Variants in ZNF385D observed in about 807,000 individuals in gnomAD.
ZNF385D encodes the protein zinc finger protein 385D.
Under a neutral mutation model 35.8 loss-of-function variants are expected in ZNF385D, and 15 were observed. The ratio of observed to expected loss-of-function variants is 0.42; its 90% confidence interval spans 0.28 to 0.64. The LOEUF (loss-of-function observed/expected upper bound fraction) is 0.64, where lower values mean the gene tolerates loss of function less well. Among genes scored for constraint, ZNF385D ranks in the 30% least tolerant of loss-of-function variants. The pLI is 0.23. For missense variants in ZNF385D, 474 were observed against 494.6 expected, an observed-to-expected ratio of 0.96 and a Z score of 0.39; for synonymous variants, 212 against 186.8, an observed-to-expected ratio of 1.13 and a Z score of -1.10.
intron 2 of ZNF385D, among the ~76,000 whole-genome samples, chr3:21,659,134 T>C (rs964003806): frequency 2.0e-5 from 3 of 152,086 alleles, no homozygotes; most frequent in Non-Finnish European, 4.4e-5. Flanking sequence ...ATTTCTAGTG[T>C]CTACTATTGT....
intron 3 of ZNF385D, among the ~76,000 whole-genome samples, chr3:21,831,404 C>A (rs1694977267): frequency 6.6e-6 from 1 of 152,062 alleles, no homozygotes; most frequent in Non-Finnish European, 1.5e-5. Flanking sequence ...TTTGTTCAAC[C>A]CTTTCATAGT....
chr3:21,563,828 A>G (rs1342132471), intron 3 of ZNF385D, among the ~76,000 whole-genome samples: 1 of 152,132 alleles, frequency 6.6e-6, no homozygotes, highest in Non-Finnish European at 1.5e-5. Flanking sequence ...CTTCATATCA[A>G]AGCAGGTTTA....
chr3:22,004,824 C>G (rs1027142712), intron 3 of ZNF385D, among the ~76,000 whole-genome samples: 1 of 152,060 alleles, frequency 6.6e-6, no homozygotes, highest in Non-Finnish European at 1.5e-5. Context: ...AATTGTCCCA[C>G]CTTTCAGGAC....
At chr3:22,144,531 C>G (rs2125709163) in intron 3 of ZNF385D, among the ~76,000 whole-genome samples, 1 of 131,774 alleles carries the variant, frequency 7.6e-6, no homozygotes, top group African/African-American at 3.0e-5. Context: ...CAAGATCATG[C>G]CACTGCACTC....
intron 1 of ZNF385D, among the ~76,000 whole-genome samples, chr3:21,673,958 T>C (rs2066649596): frequency 6.6e-6 from 1 of 152,052 alleles, no homozygotes; most frequent in Non-Finnish European, 1.5e-5. Context: ...CTCAGGGAAA[T>C]TTTACCCATG....
intron 2 of ZNF385D, among the ~76,000 whole-genome samples, chr3:22,214,924 A>G (rs1697766801): frequency 6.6e-6 from 1 of 151,752 alleles, no homozygotes; most frequent in Non-Finnish European, 1.5e-5. Context: ...CTATTTGTAC[A>G]CACCCTCCCC....
At chr3:21,920,778 T>G (rs537631979) in intron 3 of ZNF385D, among the ~76,000 whole-genome samples, 93 of 152,190 alleles carry the variant, frequency 6.1e-4, no homozygotes, top group African/African-American at 2.2e-3. Context: ...AATGAGAAAT[T>G]TGAGGAAGTT....
At chr3:22,335,410 T>G (rs1695119409) in intron 2 of ZNF385D, among the ~76,000 whole-genome samples, 1 of 152,176 alleles carries the variant, frequency 6.6e-6, no homozygotes, top group African/African-American at 2.4e-5. Context: ...AGATGTGGTC[T>G]AATATTTTTT....
chr3:21,904,302 CAAAAAAAAAA>C (rs548922115), intron 3 of ZNF385D, among the ~76,000 whole-genome samples: 1 of 79,284 alleles, frequency 1.3e-5, no homozygotes, highest in Non-Finnish European at 2.5e-5. Flanking sequence ...GACTCCATCT[CAAAAAAAAAA>C]AAAAAAAAAA....
intron 3 of ZNF385D, among the ~76,000 whole-genome samples, chr3:21,543,724 C>T (rs1470516838): frequency 1.3e-5 from 2 of 152,172 alleles, no homozygotes; most frequent in Non-Finnish European, 2.9e-5. Flanking sequence ...AGCAAGTTAA[C>T]TTTTAAAGTT....
chr3:21,578,822 T>C (rs932354883), intron 2 of ZNF385D, among the ~76,000 whole-genome samples: 2 of 152,196 alleles, frequency 1.3e-5, no homozygotes, highest in South Asian at 2.1e-4. Context: ...TTGGGGTCTT[T>C]TGTGGTTCCA....
chr3:21,990,540 A>G (rs1314022155), intron 3 of ZNF385D, among the ~76,000 whole-genome samples: 4 of 152,226 alleles, frequency 2.6e-5, no homozygotes, highest in Non-Finnish European at 5.9e-5. Flanking sequence ...TATTTCTATT[A>G]TATAAATATG....
At chr3:21,655,471 T>C (rs2066046415) in intron 2 of ZNF385D, among the ~76,000 whole-genome samples, 1 of 152,022 alleles carries the variant, frequency 6.6e-6, no homozygotes, top group Admixed American at 6.6e-5. Flanking sequence ...AAGTTATTTA[T>C]TCCCCTGACA....
chr3:21,765,565 G>T (rs1392731081), intron 3 of ZNF385D, among the ~76,000 whole-genome samples: 2 of 151,982 alleles, frequency 1.3e-5, no homozygotes, highest in Admixed American at 1.3e-4. Flanking sequence ...GTGTCAATTG[G>T]TGATGGGCCC....
intron 3 of ZNF385D, among the ~76,000 whole-genome samples, chr3:21,518,479 C>T (rs545967009): frequency 5.6e-4 from 85 of 152,148 alleles, no homozygotes; most frequent in Non-Finnish European, 9.0e-4. Flanking sequence ...TTGTTATGAT[C>T]CAGTTTGCAA....
At chr3:22,296,279 G>T (rs1702571875) in intron 2 of ZNF385D, among the ~76,000 whole-genome samples, 1 of 152,148 alleles carries the variant, frequency 6.6e-6, no homozygotes, top group Non-Finnish European at 1.5e-5. Flanking sequence ...GAGACAGCTT[G>T]CCATTGCTCT....
chr3:21,921,751 T>C (rs1296681623), intron 3 of ZNF385D, among the ~76,000 whole-genome samples: 1 of 150,954 alleles, frequency 6.6e-6, no homozygotes, highest in Non-Finnish European at 1.5e-5. Flanking sequence ...AGAAAATAGA[T>C]AAATTTCTGG....
intron 3 of ZNF385D, among the ~76,000 whole-genome samples, chr3:22,118,225 T>G (rs1486221353): frequency 6.6e-6 from 1 of 152,114 alleles, no homozygotes; most frequent in Non-Finnish European, 1.5e-5. Flanking sequence ...TTCTAAAGTA[T>G]GCCATTATTT....
At chr3:21,621,578 T>TGTGTGTGTGC (rs1451770611) in intron 2 of ZNF385D, among the ~76,000 whole-genome samples, 1 of 150,868 alleles carries the variant, frequency 6.6e-6, no homozygotes, top group African/African-American at 2.5e-5. Context: ...TGTGTGTGTG[T>TGTGTGTGTGC]GTGTGTGTGC....
Sources: allele counts gnomAD v4.1 joint callset (sites outside exome capture counted in the v4.1 genomes callset), GRCh38; gene constraint gnomAD v4.1.1; transcripts MANE v1.5; gene names NCBI Gene and HGNC (gene_info 2026-07-23, HGNC 2026-07-21).